The following NALF1 variants were observed in gnomAD, a reference collection of about 807,000 sequenced individuals.
NALF1 encodes the protein NALCN channel auxiliary factor 1, also known as family with sequence similarity 155 member A.
Under a neutral mutation model 48.4 loss-of-function variants are expected in NALF1, and 3 were observed. The observed-to-expected ratio is 0.06, with a 90% CI of 0.03 to 0.16. The LOEUF (loss-of-function observed/expected upper bound fraction) is 0.16, where lower values mean the gene tolerates loss of function less well. Ranked by LOEUF, NALF1 falls within the 10% of genes least tolerant of loss-of-function variation. The probability of loss-of-function intolerance (pLI) is 1.00; values close to 1 mark genes in which losing one functional copy is unlikely to be tolerated. For missense variants in NALF1, 526 were observed against 571.5 expected (o/e 0.92, Z 0.81); for synonymous variants, 262 against 245.7 (o/e 1.07, Z -0.62).
Position 107,167,315 on chromosome 13 carries a change from A to G in NALF1, c.*3182T>C, listed in dbSNP as rs1211414586. 2 of 152,238 alleles carry G rather than the reference A, an allele frequency of 1.3e-5. No individual in the cohort carries two copies. Among genetic ancestry groups the G allele is most frequent in the Admixed American group, 6.5e-5 (1 of 15,294 alleles). The allele number at this position is 152,238 out of a possible 1,614,324, so 9.4% of individuals were successfully genotyped here. On this transcript the variant is annotated 3_prime_UTR_variant, in exon 3 of 3. Transcript: ENST00000375915. ...AGCAGGGGCTGAACTTATTTGTTCAAAATGAACATATGCACAACCTTAAGC... is the reference window on the plus strand; with the variant it reads ...AGCAGGGGCTGAACTTATTTGTTCAGAATGAACATATGCACAACCTTAAGC...
chr13:107,472,201 C>T (rs946998854), intron 1 of NALF1, among the ~76,000 whole-genome samples: 1 of 152,064 alleles, frequency 6.6e-6, no homozygotes, highest in East Asian at 1.9e-4. Flanking sequence ...TAGTGGCGGG[C>T]ACCTGTAATC....
At chr13:107,822,946 T>C (rs956620228) in intron 1 of NALF1, among the ~76,000 whole-genome samples, 2 of 152,180 alleles carry the variant, frequency 1.3e-5, no homozygotes, top group Admixed American at 6.5e-5. Flanking sequence ...CTTCCTTCAG[T>C]TGGGTTTCAA....
chr13:107,638,201 A>ATATATATATATATATATATGTATGTATG (rs372122331), intron 1 of NALF1, among the ~76,000 whole-genome samples: 1 of 110,832 alleles, frequency 9.0e-6, no homozygotes, highest in Admixed American at 1.1e-4. Context: ...ATATATATAT[A>ATATATATATATATATATATGTATGTATG]TATATAATTT....
At chr13:107,823,612 A>ACTCT (rs55678329) in intron 1 of NALF1, among the ~76,000 whole-genome samples, 93,141 of 151,360 alleles carry the variant, frequency 0.62, 30,579 homozygotes, top group East Asian at 0.99. Flanking sequence ...AGGCCTTGGT[A>ACTCT]CTCTCCCTTC....
chr13:107,651,105 T>C (rs1267976992), intron 1 of NALF1, among the ~76,000 whole-genome samples: 4 of 139,238 alleles, frequency 2.9e-5, no homozygotes, highest in African/African-American at 7.9e-5. Flanking sequence ...AATTATAAAT[T>C]CATTGCTTTA....
chr13:107,221,967 C>T (rs926862804), intron 1 of NALF1, among the ~76,000 whole-genome samples: 2 of 152,098 alleles, frequency 1.3e-5, no homozygotes, highest in African/African-American at 4.8e-5. Flanking sequence ...AAAGAAAATG[C>T]GGCTGTTTTC....
At chr13:107,543,509 A>G (rs921437344) in intron 1 of NALF1, among the ~76,000 whole-genome samples, 48 of 152,080 alleles carry the variant, frequency 3.2e-4, no homozygotes, top group African/African-American at 1.1e-3. Flanking sequence ...AAAATCTGCC[A>G]TATATACACA....
chr13:107,531,786 T>A (rs1876648312), intron 1 of NALF1, among the ~76,000 whole-genome samples: 1 of 152,128 alleles, frequency 6.6e-6, no homozygotes, highest in Non-Finnish European at 1.5e-5. Flanking sequence ...TTCCAGCTTC[T>A]CATTTGCATC....
At chr13:107,380,744 T>C (rs919397421) in intron 1 of NALF1, among the ~76,000 whole-genome samples, 46 of 152,154 alleles carry the variant, frequency 3.0e-4, no homozygotes, top group Non-Finnish European at 4.6e-4. Context: ...TTTGGGAGGC[T>C]GAGGCGGGCG....
chr13:107,614,076 T>C (rs1402197028), intron 1 of NALF1, among the ~76,000 whole-genome samples: 1 of 152,232 alleles, frequency 6.6e-6, no homozygotes, highest in Non-Finnish European at 1.5e-5. Context: ...TTGTTCACTT[T>C]GCTCATTAGA....
chr13:107,226,730 C>T (rs2138820731), intron 1 of NALF1, among the ~76,000 whole-genome samples: 1 of 152,318 alleles, frequency 6.6e-6, no homozygotes, highest in Middle Eastern at 3.4e-3. Flanking sequence ...GCTGGCATAG[C>T]ACTCACTGCA....
At chr13:107,771,048 T>C (rs552930978) in intron 1 of NALF1, among the ~76,000 whole-genome samples, 1 of 149,108 alleles carries the variant, frequency 6.7e-6, no homozygotes, top group Non-Finnish European at 1.5e-5. Flanking sequence ...ATAAAACAAT[T>C]TCATTTGAAA....
rs758352762 is a variant in NALF1, at chr13:107,754,390, CACACACA to C, written c.915+111285_915+111291del. Among the ~76,000 whole-genome samples, 35 of 138,788 alleles carry C rather than the reference CACACACA, an allele frequency of 2.5e-4. No individual in the cohort carries two copies. The East Asian group carries it at 3.8e-3, about 15-fold the overall frequency. The allele number at this position is 138,788 out of a possible 152,430, so 91.1% of individuals were successfully genotyped here. On this transcript the variant is annotated intron_variant, in intron 1 of 2. Transcript: ENST00000375915. ...ACACACACACACACACACACACACA[CACACACA>C]CCATATATGGAACCGCTGAACAATC...
chr13:107,677,869 G>C (rs1881171709), intron 1 of NALF1, among the ~76,000 whole-genome samples: 1 of 152,194 alleles, frequency 6.6e-6, no homozygotes, highest in Admixed American at 6.5e-5. Context: ...CTGTAATTCA[G>C]ATGGTTGAAG....
intron 2 of NALF1, among the ~76,000 whole-genome samples, chr13:107,177,876 C>G (rs1275296047): frequency 6.6e-6 from 1 of 152,136 alleles, no homozygotes; most frequent in East Asian, 1.9e-4. Flanking sequence ...ATGGTGAAAC[C>G]TCATCTCTAC....
In NALF1 at chr13:107,782,895, G is replaced by A. The variant is rs377683649; in HGVS notation, c.915+82787C>T. 0.032 allele frequency among the ~76,000 whole-genome samples: 4,747 copies of A among 149,416 alleles called. 450 individuals carry two copies. The East Asian group carries it at 0.36, about 11-fold the overall frequency. Reference sequence around the variant, plus strand: ...TGGGAAGTGAGGAGCGTCTCCGCCCGGCAGCCGCCCCGTCCAGGAGGGAGG... The same window carrying A: ...TGGGAAGTGAGGAGCGTCTCCGCCCAGCAGCCGCCCCGTCCAGGAGGGAGG... On this transcript the variant is annotated intron_variant, in intron 1 of 2. Coordinates refer to ENST00000375915, the MANE Select transcript of NALF1 (RefSeq NM_001080396.3).
intron 1 of NALF1, among the ~76,000 whole-genome samples, chr13:107,746,380 C>T (rs1351962551): frequency 1.3e-5 from 2 of 152,030 alleles, no homozygotes; most frequent in Non-Finnish European, 2.9e-5. Context: ...TAATAAATAT[C>T]GATAACTGAA....
At chr13:107,763,483 A>T (rs368839577) in intron 1 of NALF1, among the ~76,000 whole-genome samples, 1 of 151,786 alleles carries the variant, frequency 6.6e-6, no homozygotes, top group East Asian at 1.9e-4. Context: ...AAAAAAAAAA[A>T]AAAAAAGGCA....
chr13:107,843,497 T>C (rs1880094065), intron 1 of NALF1, among the ~76,000 whole-genome samples: 1 of 152,182 alleles, frequency 6.6e-6, no homozygotes, highest in Admixed American at 6.5e-5. Context: ...TAACACATCA[T>C]GACCTGGAAA....
Sources: gnomAD v4.1 joint callset for allele counts (sites outside exome capture counted in the v4.1 genomes callset) on GRCh38, gnomAD v4.1.1 for gene constraint, MANE v1.5 for transcripts, NCBI Gene and HGNC (gene_info 2026-07-23, HGNC 2026-07-21) for gene names.